Variants in ADGRG4 observed in about 807,000 individuals in gnomAD.
The protein encoded by ADGRG4 is adhesion G protein-coupled receptor G4.
Under a neutral mutation model 126.2 loss-of-function variants are expected in ADGRG4, and 122 were observed. The ratio of observed to expected loss-of-function variants is 0.97; its 90% CI spans 0.83 to 1.12. ADGRG4 has a LOEUF of 1.12. Among genes scored for constraint, ADGRG4 ranks in the 50% most tolerant of loss-of-function variants. The pLI is 0.00. For missense variants in ADGRG4, 2,481 were observed against 2,251.8 expected (o/e 1.10, Z -2.06); for synonymous variants, 943 against 838.7 (o/e 1.12, Z -2.15).
chrX:136,400,203 G>T, intron 21 of ADGRG4, 87 bp downstream of exon 21: 1 of 790,803 alleles, frequency 1.3e-6, no homozygotes. Context: ...TAATATCATA[G>T]GTAAAAAATT....
At chrX:136,301,994 A>G (rs987986104) in intron 1 of ADGRG4, among the ~76,000 whole-genome samples, 1 of 112,049 alleles carries the variant, frequency 8.9e-6, no homozygotes, top group East Asian at 2.8e-4. Context: ...TCCTTGTAGT[A>G]TAGTTTGAAG....
At chrX:136,331,053 A>G (rs2074906561) in intron 5 of ADGRG4, among the ~76,000 whole-genome samples, 1 of 109,227 alleles carries the variant, frequency 9.2e-6, no homozygotes, top group Non-Finnish European at 1.9e-5. Context: ...CATGAGTTCA[A>G]TTGTTTTGAT....
intron 20 of ADGRG4, among the ~76,000 whole-genome samples, chrX:136,398,999 C>T (rs1185245056): frequency 1.8e-5 from 2 of 112,202 alleles, no homozygotes; most frequent in South Asian, 3.7e-4. Flanking sequence ...ATCTCATAGA[C>T]ATAGAATTGA....
rs199708220 is a variant in ADGRG4 at position 136,348,891 on chromosome X, G to A, written c.5185G>A (p.Val1729Met). Residue 1729 changes from valine (V) to methionine (M), a missense_variant, in exon 6 of 26, where the codon GTG becomes ATG. Transcript: ENST00000394143. ...GATTACTAACAGGTCCCTATCTACT[G>A]TGAACAGTGGTACAGGGGTAGCTCT... ...SGITNRSLST[V>M]NSGTGVALTD... 295 of 1,202,221 alleles carry A rather than the reference G, an allele frequency of 2.5e-4. No homozygotes were observed. Among genetic ancestry groups the A allele is most frequent in the Non-Finnish European group, 3.1e-4 (277 of 889,834 alleles).
intron 3 of ADGRG4, among the ~76,000 whole-genome samples, chrX:136,308,291 G>A (rs2148443081): frequency 9.0e-6 from 1 of 111,665 alleles, no homozygotes; most frequent in South Asian, 3.8e-4. Context: ...GGTATTTTTA[G>A]TAGAGATGGG....
intron 15 of ADGRG4, among the ~76,000 whole-genome samples, chrX:136,382,731 T>A (rs1301553643): frequency 8.9e-6 from 1 of 111,781 alleles, no homozygotes; most frequent in Admixed American, 9.5e-5. Context: ...TGATTTCATC[T>A]TGATAGTCCG....
chrX:136,376,666 T>C (rs1045530504), intron 15 of ADGRG4, among the ~76,000 whole-genome samples: 49 of 108,785 alleles, frequency 4.5e-4, no homozygotes, highest in Non-Finnish European at 8.2e-4. Flanking sequence ...TTGTATTGTA[T>C]TGTATTGTAT....
intron 15 of ADGRG4, among the ~76,000 whole-genome samples, chrX:136,373,648 C>G (rs921985081): frequency 4.5e-5 from 5 of 111,352 alleles, no homozygotes; most frequent in African/African-American, 1.6e-4. Context: ...ATGCATACAT[C>G]TATGTAATCC....
intron 23 of ADGRG4, 98 bp downstream of exon 23, chrX:136,406,070 A>T (rs1175141880): frequency 1.1e-6 from 1 of 882,303 alleles, no homozygotes; most frequent in African/African-American, 2.0e-5. Context: ...CATTAACTAG[A>T]TGTTAGTCTT....
At position 136,414,215 on chromosome X, in the gene ADGRG4, A is replaced by G; in HGVS notation, c.9093A>G (p.Lys3031=). The change falls in exon 25 of 26, where the codon AAA becomes AAG. Residue 3031 remains lysine, a synonymous_variant. Coordinates refer to ENST00000394143, the MANE Select transcript of ADGRG4 (RefSeq NM_153834.4). ...GATATAAACAGGAGGGACTAAAGAA[A>G]ATCTTTGAGCACAAACTGTTGACGC... ...KVGYKQEGLK[K]IFEHKLLTPS... 1 of 1,206,688 alleles carries G rather than the reference A, an allele frequency of 8.3e-7. No individual in the cohort carries two copies. Among genetic ancestry groups the G allele is most frequent in the Non-Finnish European group, 1.1e-6 (1 of 891,385 alleles).
Position 136,304,192 on chromosome X carries a change from G to A in ADGRG4, c.-194G>A, listed in dbSNP as rs778666923. ...ACCTTCCAGGGAATGGAAGATACCC[G>A]TTGAAGCCCTCCCAGGTGACAATTG... On this transcript the variant is annotated 5_prime_UTR_variant, in exon 2 of 26. Coordinates refer to ENST00000394143, the MANE Select transcript of ADGRG4 (RefSeq NM_153834.4). 13 of 111,870 alleles carry A rather than the reference G, an allele frequency of 1.2e-4. No individual in the cohort carries two copies. Among genetic ancestry groups the A allele is most frequent in the South Asian group, 7.6e-4 (2 of 2,617 alleles). 9.2% of individuals were successfully genotyped at this position (111,870 alleles called of 1,213,427 possible).
At chrX:136,315,497 A>G (rs775806174) in intron 4 of ADGRG4, among the ~76,000 whole-genome samples, 5 of 111,139 alleles carry the variant, frequency 4.5e-5, no homozygotes, top group Non-Finnish European at 9.4e-5. Flanking sequence ...CAGAGTGGCC[A>G]GATTCTTCAA....
chrX:136,361,565 G>A lies in ADGRG4; in HGVS notation c.7255G>A (p.Asp2419Asn), dbSNP rs1279926810. 8.5e-6 allele frequency: 10 copies of A among 1,179,557 alleles called. No individual in the cohort carries two copies. The highest frequency in any genetic ancestry group is 3.0e-5 in the East Asian group (1 of 33,017). ...CCAAACCAGATGCATAAAAAATGAG[G>A]ATGGAAATGCCACAAGATTCTGGTA... ...TAQTRCIKNEDGNATRFCSIS... is the reference protein window; with the variant it reads ...TAQTRCIKNENGNATRFCSIS... Residue 2419 changes from aspartate to asparagine, a missense_variant, in exon 12 of 26, where the codon GAT becomes AAT. Coordinates refer to ENST00000394143, the MANE Select transcript of ADGRG4 (RefSeq NM_153834.4).
intron 5 of ADGRG4, among the ~76,000 whole-genome samples, chrX:136,338,366 C>G (rs1266989770): frequency 9.0e-6 from 1 of 110,682 alleles, no homozygotes; most frequent in Non-Finnish European, 1.9e-5. Context: ...CCAGGCTGGT[C>G]TCAAACTCCT....
chrX:136,327,054 A>C, intron 5 of ADGRG4, among the ~76,000 whole-genome samples: 1 of 111,609 alleles, frequency 9.0e-6, no homozygotes, highest in East Asian at 2.8e-4. Context: ...TAGTCATTAG[A>C]AATTTAGTTT....
At position 136,365,250 on chromosome X, in the gene ADGRG4, A is replaced by T. The variant is rs747998733; in HGVS notation, c.7396+1655A>T. 1.2e-3 allele frequency among the ~76,000 whole-genome samples: 138 copies of T among 111,335 alleles called. 1 individual carries two copies. The highest frequency in any genetic ancestry group is 4.3e-3 in the African/African-American group (132 of 30,728). Reference sequence around the variant, plus strand: ...AATTCCAGAATATTTCATCACCCCAAAAAGAAACCCTGTACCCATTAGCAG... The same window carrying T: ...AATTCCAGAATATTTCATCACCCCATAAAGAAACCCTGTACCCATTAGCAG... On this transcript the variant is annotated intron_variant, in intron 13 of 25. Coordinates refer to ENST00000394143, the MANE Select transcript of ADGRG4 (RefSeq NM_153834.4).
chrX:136,399,692 C>T (rs997294625), intron 20 of ADGRG4, among the ~76,000 whole-genome samples, 156 bp from the exon 21 acceptor site: 9 of 109,992 alleles, frequency 8.2e-5, no homozygotes, highest in Non-Finnish European at 1.3e-4. Context: ...TATTATGCTT[C>T]GACTTTACCT....
chrX:136,330,883 T>A (rs1467266988), intron 5 of ADGRG4, among the ~76,000 whole-genome samples: 1 of 111,283 alleles, frequency 9.0e-6, no homozygotes, highest in Non-Finnish European at 1.9e-5. Context: ...AAGTTATTAT[T>A]GAGTATAGTC....
intron 16 of ADGRG4, among the ~76,000 whole-genome samples, chrX:136,389,670 G>T (rs2075309481): frequency 8.9e-6 from 1 of 111,955 alleles, no homozygotes; most frequent in African/African-American, 3.2e-5. Context: ...ATCTGCTGAA[G>T]GTGTCACAAT....
Sources: gnomAD v4.1 joint callset for allele counts (sites outside exome capture counted in the v4.1 genomes callset) on GRCh38, gnomAD v4.1.1 for gene constraint, MANE v1.5 for transcripts, NCBI Gene and HGNC (gene_info 2026-07-23, HGNC 2026-07-21) for gene names.